The following MGRN1 variants were observed in gnomAD, a reference collection of about 807,000 sequenced individuals.
The protein encoded by MGRN1 is E3 ubiquitin-protein ligase MGRN1.
In MGRN1, 29 loss-of-function variants were observed where a neutral mutation model predicts 69.2. The observed-to-expected ratio is 0.42, with a 90% CI of 0.31 to 0.57. The LOEUF (loss-of-function observed/expected upper bound fraction) is 0.57, where lower values mean the gene tolerates loss of function less well. Among genes scored for constraint, MGRN1 ranks in the 20% least tolerant of loss-of-function variants. The pLI is 0.15. For missense variants in MGRN1, 998 were observed against 796.2 expected (o/e 1.25, Z -3.05); for synonymous variants, 470 against 344.2 (o/e 1.37, Z -4.04).
intron 10 of MGRN1, chr16:4,676,954 C>A (rs953250628): frequency 6.5e-6 from 1 of 152,860 alleles, no homozygotes; most frequent in African/African-American, 2.4e-5. Flanking sequence ...CTCAGCTTCC[C>A]CAGTGTGATG....
chr16:4,677,657 G>C, intron 11 of MGRN1, 85 bp downstream of exon 11: 3 of 1,288,516 alleles, frequency 2.3e-6, no homozygotes, highest in African/African-American at 1.5e-5. Context: ...GGTCCAGCCA[G>C]CAGCCCCGTG....
In MGRN1 at chr16:4,637,485, C is replaced by T. The variant is rs116615597; in HGVS notation, c.88+12437C>T. Among the ~76,000 whole-genome samples the T allele has an allele frequency of 8.0e-3, 1,216 of 152,246 alleles. 31 individuals are homozygous for T. The highest frequency in any genetic ancestry group is 0.028 in the African/African-American group (1,146 of 41,540). ...TTTTTTTCTTACTGGTTTATAGGAG[C>T]TCTTTCCTAAGTGCTTTTTATTATG... On this transcript the variant is annotated intron_variant, in intron 1 of 16. Transcript: ENST00000262370.
chr16:4,675,640 A>G (rs1006884706), intron 10 of MGRN1, among the ~76,000 whole-genome samples: 4 of 151,388 alleles, frequency 2.6e-5, no homozygotes, highest in Admixed American at 2.0e-4. Flanking sequence ...CTGAGGCGGG[A>G]GGATCGGCTG....
chr16:4,667,479 C>A (rs536926723), intron 7 of MGRN1, among the ~76,000 whole-genome samples: 2 of 152,248 alleles, frequency 1.3e-5, no homozygotes, highest in Non-Finnish European at 2.9e-5. Context: ...ACTATTGACA[C>A]ATCTGCATCC....
Position 4,681,708 on chromosome 16 carries a change from C to T in MGRN1, c.1290C>T (p.Leu430=), listed in dbSNP as rs201941631. The T allele has an allele frequency of 5.0e-5, 80 of 1,613,304 alleles. No homozygotes were observed. The highest frequency in any genetic ancestry group is 6.7e-5 in the Admixed American group (4 of 60,026). The part of the protein sequence containing the change: ...SDGLSQASCP[L]AAIDHILDSS... ...GCCTGTCCCAGGCCAGCTGTCCCCT[C>T]GCGGCTATCGACCACATCCTGGACA... The change falls in exon 13 of 17, where the codon CTC becomes CTT. Residue 430 remains leucine, a synonymous_variant. Coordinates refer to ENST00000262370, the MANE Select transcript of MGRN1 (RefSeq NM_015246.4).
At chr16:4,645,312 A>G (rs1449046811) in intron 1 of MGRN1, among the ~76,000 whole-genome samples, 3 of 152,094 alleles carry the variant, frequency 2.0e-5, no homozygotes, top group Non-Finnish European at 4.4e-5. Flanking sequence ...GACTACAGGC[A>G]TGCGCTGCCA....
chr16:4,656,485 G>A (rs2078540841), intron 4 of MGRN1, among the ~76,000 whole-genome samples: 1 of 152,260 alleles, frequency 6.6e-6, no homozygotes, highest in Non-Finnish European at 1.5e-5. Flanking sequence ...GGAGTGATCT[G>A]TGGGTCTCTG....
At chr16:4,635,725 C>T (rs1474710443) in intron 1 of MGRN1, among the ~76,000 whole-genome samples, 1 of 151,878 alleles carries the variant, frequency 6.6e-6, no homozygotes, top group Non-Finnish European at 1.5e-5. Context: ...ACCTCCACCT[C>T]CCAGGTTTAA....
At chr16:4,668,854 A>T (rs1310516599) in intron 8 of MGRN1, among the ~76,000 whole-genome samples, 1 of 152,264 alleles carries the variant, frequency 6.6e-6, no homozygotes, top group Non-Finnish European at 1.5e-5. Flanking sequence ...ACTCACACAC[A>T]TAAACTCACA....
chr16:4,630,350 G>A (rs1286836315), intron 1 of MGRN1, among the ~76,000 whole-genome samples: 2 of 135,214 alleles, frequency 1.5e-5, no homozygotes, highest in African/African-American at 6.0e-5. Flanking sequence ...GTGAGACGCC[G>A]TCTCAAAAAA....
At chr16:4,658,044 T>C (rs914272373) in intron 5 of MGRN1, among the ~76,000 whole-genome samples, 1 of 151,540 alleles carries the variant, frequency 6.6e-6, no homozygotes, top group Non-Finnish European at 1.5e-5. Flanking sequence ...GCCCGGCCAT[T>C]GCTGCAGACC....
chr16:4,652,145 G>A (rs1282457841), intron 3 of MGRN1, 94 bp downstream of exon 3: 6 of 1,285,032 alleles, frequency 4.7e-6, no homozygotes, highest in Non-Finnish European at 5.4e-6. Flanking sequence ...AGGGCAGGCG[G>A]GAGGGGCCCC....
chr16:4,662,474 C>G (rs929223023), intron 5 of MGRN1, among the ~76,000 whole-genome samples: 1 of 151,728 alleles, frequency 6.6e-6, no homozygotes, highest in Non-Finnish European at 1.5e-5. Context: ...CGACATCCTG[C>G]CACTGCACTC....
At chr16:4,635,747 G>T (rs986828390) in intron 1 of MGRN1, among the ~76,000 whole-genome samples, 1 of 148,586 alleles carries the variant, frequency 6.7e-6, no homozygotes, top group African/African-American at 2.5e-5. Context: ...CGACTCTCCC[G>T]CCAAAGCCTC....
intron 4 of MGRN1, among the ~76,000 whole-genome samples, chr16:4,653,675 G>A (rs929984690): frequency 2.0e-5 from 3 of 151,722 alleles, no homozygotes; most frequent in Non-Finnish European, 4.4e-5. Context: ...TTTTAGTAGA[G>A]ATGGGGGTTT....
chr16:4,661,143 ATT>A (rs112367751), intron 5 of MGRN1, among the ~76,000 whole-genome samples: 154 of 144,942 alleles, frequency 1.1e-3, no homozygotes, highest in Middle Eastern at 3.6e-3. Context: ...CTACTGGCTG[ATT>A]TTTTTTTTTT....
intron 7 of MGRN1, among the ~76,000 whole-genome samples, chr16:4,665,683 T>G (rs1190782119): frequency 1.3e-5 from 2 of 148,328 alleles, no homozygotes; most frequent in African/African-American, 5.0e-5. Flanking sequence ...TTTTTTTTTT[T>G]TTTTGAGGCG....
chr16:4,661,988 G>C (rs1257938002), intron 5 of MGRN1, among the ~76,000 whole-genome samples: 1 of 152,176 alleles, frequency 6.6e-6, no homozygotes, highest in Non-Finnish European at 1.5e-5. Context: ...GCTGGGTGGG[G>C]ACATGCCTGG....
intron 1 of MGRN1, among the ~76,000 whole-genome samples, chr16:4,627,555 A>G (rs1483930860): frequency 1.3e-5 from 2 of 152,216 alleles, no homozygotes; most frequent in Non-Finnish European, 2.9e-5. Flanking sequence ...TGGGAGGCCA[A>G]GGCGGGCGGA....
Sources: allele counts gnomAD v4.1 joint callset (sites outside exome capture counted in the v4.1 genomes callset), GRCh38; gene constraint gnomAD v4.1.1; transcripts MANE v1.5; gene names NCBI Gene and HGNC (gene_info 2026-07-23, HGNC 2026-07-21).